ODF2L: variants seen among roughly 807,000 people sequenced by gnomAD.
ODF2L encodes the protein protein BCAP.
Under a neutral mutation model 86.3 loss-of-function variants are expected in ODF2L, and 76 were observed. The ratio of observed to expected loss-of-function variants is 0.88; its 90% CI spans 0.73 to 1.07. The LOEUF (loss-of-function observed/expected upper bound fraction) is 1.07, where lower values mean the gene tolerates loss of function less well. Ranked by LOEUF, ODF2L falls within the 50% of genes least tolerant of loss-of-function variation. The probability of loss-of-function intolerance (pLI) is 0.00; values close to 1 mark genes in which losing one functional copy is unlikely to be tolerated. For synonymous variants in ODF2L, 241 were observed against 231.3 expected (o/e 1.04, Z -0.38); for missense variants, 748 against 717.4 (o/e 1.04, Z -0.49).
chr1:86,349,103 C>G (rs1244433998), downstream of ODF2L: 1 of 257,542 alleles, frequency 3.9e-6, no homozygotes, highest in African/African-American at 2.2e-5. Context: ...AATATACATT[C>G]ATTTAGCCCC....
chr1:86,356,465 G>A (rs1558007832), exon 14 of ODF2L: 2 of 1,611,834 alleles, frequency 1.2e-6, no homozygotes, highest in South Asian at 2.2e-5. Context: ...GCTCCCTAAT[G>A]GTGTGTTCCT....
intron 13 of ODF2L, among the ~76,000 whole-genome samples, chr1:86,357,348 G>GTTTTT (rs1439764237): frequency 6.6e-6 from 1 of 150,484 alleles, no homozygotes; most frequent in Non-Finnish European, 1.5e-5. Flanking sequence ...AGATAATGCA[G>GTTTTT]TATTTTTTTT....
intron 11 of ODF2L, among the ~76,000 whole-genome samples, chr1:86,367,146 A>G (rs1052761096): frequency 1.2e-4 from 18 of 152,172 alleles, no homozygotes; most frequent in Non-Finnish European, 1.6e-4. Flanking sequence ...TCTCCTAGCA[A>G]CTCTGACTTA....
chr1:86,394,623 C>G (rs1436566874), intron 1 of ODF2L, among the ~76,000 whole-genome samples: 1 of 151,862 alleles, frequency 6.6e-6, no homozygotes, highest in Non-Finnish European at 1.5e-5. Context: ...GAGAGCAGAC[C>G]GCGACCAGAT....
At chr1:86,383,787 T>C (rs963432842) in intron 4 of ODF2L, among the ~76,000 whole-genome samples, 4 of 151,886 alleles carry the variant, frequency 2.6e-5, no homozygotes, top group Non-Finnish European at 4.4e-5. Context: ...AGGTCATCCT[T>C]GGATCCATAA....
intron 8 of ODF2L, 44 bp from the exon 9 acceptor site, chr1:86,372,584 T>A (rs1438557760): frequency 2.5e-5 from 28 of 1,098,316 alleles, no homozygotes; most frequent in Non-Finnish European, 3.3e-5. Flanking sequence ...TTTAAAACAT[T>A]TTTGTTTTGT....
chr1:86,373,619 T>C (rs11810689), intron 8 of ODF2L, among the ~76,000 whole-genome samples: 47,999 of 151,560 alleles, frequency 0.32, 7,730 homozygotes, highest in East Asian at 0.41. Context: ...GGTCTTGAAT[T>C]AATTTCATGC....
At chr1:86,395,357 C>T (rs1033365947) in intron 1 of ODF2L, among the ~76,000 whole-genome samples, 5 of 152,128 alleles carry the variant, frequency 3.3e-5, no homozygotes, top group African/African-American at 1.2e-4. Context: ...CTTAATGGCC[C>T]TGCGTTTACT....
intron 6 of ODF2L, 70 bp from the exon 7 acceptor site, chr1:86,382,428 A>T: frequency 6.3e-7 from 1 of 1,577,818 alleles, no homozygotes; most frequent in Non-Finnish European, 8.6e-7. Context: ...CAATATCTTT[A>T]ATTTTACCCT....
intron 6 of ODF2L, 124 bp from the exon 7 acceptor site, chr1:86,382,482 CTTTACA>C (rs1660656054): frequency 6.7e-7 from 1 of 1,485,324 alleles, no homozygotes; most frequent in African/African-American, 1.4e-5. Flanking sequence ...CAAAGCACTA[CTTTACA>C]TAAACTGCCG....
At chr1:86,349,059 ACACACATGGTTGATC>A (rs1381988012), downstream of ODF2L, 1 of 463,368 alleles carries the variant, frequency 2.2e-6, no homozygotes, top group African/African-American at 2.0e-5. Flanking sequence ...TAATTAAAGC[ACACACATGGTTGATC>A]TTCACTGATA....
intron 7 of ODF2L, among the ~76,000 whole-genome samples, chr1:86,380,456 T>C (rs1380740965): frequency 6.6e-6 from 1 of 152,062 alleles, no homozygotes; most frequent in African/African-American, 2.4e-5. Flanking sequence ...CCTCTAAAAG[T>C]CCACACGGTG....
intron 16 of ODF2L, among the ~76,000 whole-genome samples, 200 bp downstream of exon 15, chr1:86,354,330 A>G (rs765493108): frequency 2.6e-5 from 4 of 152,200 alleles, no homozygotes; most frequent in Non-Finnish European, 5.9e-5. Context: ...CAGCCACATT[A>G]CCATTTATCT....
chr1:86,386,359 A>G (rs1407720), intron 2 of ODF2L: 48,203 of 147,584 alleles, frequency 0.33, 7,772 homozygotes, highest in East Asian at 0.41. Context: ...TTCTTAACAG[A>G]TGAGGTTTTC....
exon 18 of ODF2L, chr1:86,350,274 C>T (rs1033920770): frequency 2.6e-5 from 4 of 152,192 alleles, no homozygotes; most frequent in African/African-American, 9.7e-5. Context: ...CCCTGACAGG[C>T]CCTGGTGTGT....
intron 9 of ODF2L, among the ~76,000 whole-genome samples, 197 bp from the exon 10 acceptor site, chr1:86,371,350 T>C (rs1253738586): frequency 1.3e-5 from 2 of 152,194 alleles, no homozygotes; most frequent in African/African-American, 4.8e-5. Context: ...GTAACTCTGA[T>C]TAGAAACAAT....
chr1:86,356,493 T>C, exon 14 of ODF2L: 1 of 1,614,002 alleles, frequency 6.2e-7, no homozygotes, highest in Non-Finnish European at 8.5e-7. Context: ...ACACTTCCCC[T>C]TGCAGCACTG....
chr1:86,394,721 G>A (rs578227601), intron 1 of ODF2L, among the ~76,000 whole-genome samples: 1 of 151,494 alleles, frequency 6.6e-6, no homozygotes, highest in Non-Finnish European at 1.5e-5. Context: ...TGTGAAATAA[G>A]AAGATGAAAA....
At chr1:86,384,197 T>C (rs1289677883) in intron 4 of ODF2L, among the ~76,000 whole-genome samples, 10 of 151,720 alleles carry the variant, frequency 6.6e-5, no homozygotes, top group Non-Finnish European at 1.3e-4. Context: ...ATAATTTAGG[T>C]GATTTAAAGG....
Sources: gnomAD v4.1 joint callset for allele counts (sites outside exome capture counted in the v4.1 genomes callset) on GRCh38, gnomAD v4.1.1 for gene constraint, MANE v1.5 for transcripts, NCBI Gene and HGNC (gene_info 2026-07-23, HGNC 2026-07-21) for gene names.